Variants in GRB14 observed in about 807,000 individuals in gnomAD.
The protein encoded by GRB14 is growth factor receptor-bound protein 14.
Under a neutral mutation model 69.1 loss-of-function variants are expected in GRB14, and 38 were observed. The ratio of observed to expected loss-of-function variants is 0.55; its 90% CI spans 0.42 to 0.72. The LOEUF is 0.72. Ranked by LOEUF, GRB14 falls within the 30% of genes least tolerant of loss-of-function variation. GRB14 has a pLI of 0.00. For synonymous variants in GRB14, 247 were observed against 241.3 expected (o/e 1.02, Z -0.22); for missense variants, 666 against 666.1 (o/e 1.00, Z 0.00).
intron 2 of GRB14, among the ~76,000 whole-genome samples, chr2:164,614,225 T>C (rs12988420): frequency 0.03 from 4,617 of 152,320 alleles, 97 homozygotes; most frequent in Non-Finnish European, 0.046. Flanking sequence ...AAAGATAGAT[T>C]TGTTTGAAAC....
intron 12 of GRB14, among the ~76,000 whole-genome samples, chr2:164,496,785 T>C (rs1256835854): frequency 6.6e-6 from 1 of 152,190 alleles, no homozygotes; most frequent in Non-Finnish European, 1.5e-5. Context: ...GATACTCTAT[T>C]CCGTTATTTG....
intron 3 of GRB14, among the ~76,000 whole-genome samples, chr2:164,540,050 G>C (rs1688191759): frequency 6.6e-6 from 1 of 151,882 alleles, no homozygotes; most frequent in African/African-American, 2.4e-5. Flanking sequence ...CCACTTCTTG[G>C]CCTATGAGAC....
At chr2:164,597,041 C>G (rs1689801393) in intron 2 of GRB14, among the ~76,000 whole-genome samples, 1 of 152,040 alleles carries the variant, frequency 6.6e-6, no homozygotes, top group African/African-American at 2.4e-5. Context: ...GTTAATTGAC[C>G]ACATCAATCC....
intron 2 of GRB14, among the ~76,000 whole-genome samples, chr2:164,603,878 T>C (rs1689985548): frequency 6.6e-6 from 1 of 152,086 alleles, no homozygotes; most frequent in Non-Finnish European, 1.5e-5. Flanking sequence ...AAGATAGCTA[T>C]CAATACCATA....
intron 2 of GRB14, among the ~76,000 whole-genome samples, chr2:164,580,450 A>G (rs1689373313): frequency 6.7e-6 from 1 of 149,998 alleles, no homozygotes; most frequent in African/African-American, 2.4e-5. Context: ...CATGCCTGTA[A>G]TCCCAGCACT....
At chr2:164,526,381 G>T (rs1460974450) in intron 4 of GRB14, among the ~76,000 whole-genome samples, 3 of 151,974 alleles carry the variant, frequency 2.0e-5, no homozygotes, top group African/African-American at 2.4e-5. Flanking sequence ...TCATTAGAAT[G>T]TGACACACAT....
chr2:164,586,610 AC>A (rs1351340407), intron 2 of GRB14, among the ~76,000 whole-genome samples: 4 of 152,222 alleles, frequency 2.6e-5, no homozygotes, highest in African/African-American at 9.6e-5. Flanking sequence ...AACACAGGCT[AC>A]AGTGTTGGAG....
chr2:164,513,206 T>A (rs1336044081), intron 6 of GRB14, among the ~76,000 whole-genome samples: 1 of 152,124 alleles, frequency 6.6e-6, no homozygotes, highest in African/African-American at 2.4e-5. Flanking sequence ...TCTTTTAAGC[T>A]CCCTGTGACC....
At chr2:164,620,184 C>T (rs1438814528) in intron 1 of GRB14, among the ~76,000 whole-genome samples, 2 of 151,700 alleles carry the variant, frequency 1.3e-5, no homozygotes, top group Non-Finnish European at 2.9e-5. Context: ...TATACAATTA[C>T]TAATCCAAAC....
At chr2:164,589,920 C>T (rs1161211011) in intron 2 of GRB14, among the ~76,000 whole-genome samples, 1 of 152,126 alleles carries the variant, frequency 6.6e-6, no homozygotes, top group Admixed American at 6.6e-5. Context: ...TGAGAACCCT[C>T]ATCTGGGTTA....
At chr2:164,514,047 A>G (rs1202198528) in intron 6 of GRB14, among the ~76,000 whole-genome samples, 1 of 152,252 alleles carries the variant, frequency 6.6e-6, no homozygotes, top group Non-Finnish European at 1.5e-5. Flanking sequence ...ATGTGTATCT[A>G]TGTAACCATT....
chr2:164,600,697 A>G (rs190386318), intron 2 of GRB14, among the ~76,000 whole-genome samples: 1 of 152,338 alleles, frequency 6.6e-6, no homozygotes, highest in African/African-American at 2.4e-5. Flanking sequence ...CTAAAGCATT[A>G]CATGTAAAAC....
chr2:164,615,049 C>T (rs1298269340), intron 2 of GRB14, among the ~76,000 whole-genome samples: 1 of 152,062 alleles, frequency 6.6e-6, no homozygotes, highest in Non-Finnish European at 1.5e-5. Flanking sequence ...ACACTAGAAA[C>T]AGTGTGGTAA....
At chr2:164,620,214 A>G (rs555903506) in intron 1 of GRB14, among the ~76,000 whole-genome samples, 1 of 152,246 alleles carries the variant, frequency 6.6e-6, no homozygotes, top group East Asian at 1.9e-4. Flanking sequence ...GAAGTCATAC[A>G]TTGTTATGCA....
At chr2:164,615,509 A>T (rs73030029) in intron 2 of GRB14, among the ~76,000 whole-genome samples, 9,048 of 152,244 alleles carry the variant, frequency 0.059, 743 homozygotes, top group African/African-American at 0.19. Flanking sequence ...TCTTATTTAC[A>T]GTCCTTGCTT....
At chr2:164,505,140 C>G (rs1017474916) in intron 8 of GRB14, among the ~76,000 whole-genome samples, 1 of 152,192 alleles carries the variant, frequency 6.6e-6, no homozygotes, top group African/African-American at 2.4e-5. Context: ...CTTTAAGTCA[C>G]TACCCTGGTG....
intron 2 of GRB14, among the ~76,000 whole-genome samples, chr2:164,569,620 T>C (rs1574319256): frequency 6.6e-6 from 1 of 152,194 alleles, no homozygotes; most frequent in African/African-American, 2.4e-5. Flanking sequence ...TAGGCAGTGT[T>C]CACTTTACTG....
intron 13 of GRB14, 69 bp downstream of exon 13, chr2:164,494,362 C>A: frequency 2.4e-6 from 2 of 822,792 alleles, no homozygotes; most frequent in Admixed American, 2.0e-5. Context: ...AAAGCTTATG[C>A]ATTAAGATCA....
intron 2 of GRB14, among the ~76,000 whole-genome samples, chr2:164,600,777 A>G (rs1328170459): frequency 1.3e-5 from 2 of 152,170 alleles, no homozygotes; most frequent in Non-Finnish European, 2.9e-5. Flanking sequence ...CTTTTTTTAA[A>G]TGGAATTTAA....
Sources: gnomAD v4.1 joint callset for allele counts (sites outside exome capture counted in the v4.1 genomes callset) on GRCh38, gnomAD v4.1.1 for gene constraint, MANE v1.5 for transcripts, NCBI Gene and HGNC (gene_info 2026-07-23, HGNC 2026-07-21) for gene names.